The following PCMT1 variants were observed in gnomAD, a reference collection of about 807,000 sequenced individuals.
PCMT1 encodes the protein protein-L-isoaspartate(D-aspartate) O-methyltransferase.
Under a neutral mutation model 29.2 loss-of-function variants are expected in PCMT1, and 9 were observed. The ratio of observed to expected loss-of-function variants is 0.31; its 90% CI spans 0.19 to 0.54. The LOEUF is 0.54. Among genes scored for constraint, PCMT1 ranks in the 20% least tolerant of loss-of-function variants. The pLI is 0.95. For synonymous variants in PCMT1, 98 were observed against 97.5 expected (o/e 1.00, Z -0.03); for missense variants, 184 against 282.2 (o/e 0.65, Z 2.49).
At chr6:149,791,571 T>A (rs1416529748) in intron 4 of PCMT1, among the ~76,000 whole-genome samples, 1 of 152,218 alleles carries the variant, frequency 6.6e-6, no homozygotes, top group Non-Finnish European at 1.5e-5. Context: ...TATAAATGTA[T>A]AATCAGCAGA....
At chr6:149,762,875 GATATATATGTT>G (rs1443735843) in intron 1 of PCMT1, among the ~76,000 whole-genome samples, 1 of 48,540 alleles carries the variant, frequency 2.1e-5, no homozygotes, top group African/African-American at 2.1e-4. Flanking sequence ...ATATATCTAT[GATATATATGTT>G]ATATATATCT....
At chr6:149,762,320 G>C (rs985876933) in intron 1 of PCMT1, among the ~76,000 whole-genome samples, 2 of 151,520 alleles carry the variant, frequency 1.3e-5, no homozygotes, top group Admixed American at 6.6e-5. Flanking sequence ...CATTTAATGA[G>C]GGTCTTTAGA....
intron 3 of PCMT1, among the ~76,000 whole-genome samples, chr6:149,787,084 C>A (rs1277141826): frequency 1.4e-5 from 2 of 139,458 alleles, no homozygotes; most frequent in East Asian, 4.5e-4. Flanking sequence ...GAGACCAGCC[C>A]GGCCAACACA....
intron 3 of PCMT1, among the ~76,000 whole-genome samples, chr6:149,779,323 A>G (rs564562037): frequency 1.3e-5 from 2 of 152,258 alleles, no homozygotes; most frequent in South Asian, 4.1e-4. Context: ...TTCCTGCAGC[A>G]CGTAACTCCC....
chr6:149,809,580 A>T (rs1342451891), intron 7 of PCMT1, among the ~76,000 whole-genome samples: 3 of 152,134 alleles, frequency 2.0e-5, no homozygotes, highest in Non-Finnish European at 2.9e-5. Context: ...AATTTAGTTT[A>T]AAAAAATTGT....
chr6:149,782,334 A>C (rs1787848758), intron 3 of PCMT1, among the ~76,000 whole-genome samples: 1 of 152,192 alleles, frequency 6.6e-6, no homozygotes, highest in African/African-American at 2.4e-5. Flanking sequence ...GTGAGGATGC[A>C]AAGAGAAATG....
chr6:149,750,594 A>C (rs1158808391), intron 1 of PCMT1, among the ~76,000 whole-genome samples: 2 of 152,074 alleles, frequency 1.3e-5, no homozygotes, highest in Non-Finnish European at 2.9e-5. Context: ...AGAACAGGGG[A>C]TGCTGTTCCT....
chr6:149,750,015 C>A (rs781010857), intron 1 of PCMT1, 59 bp downstream of exon 1: 1 of 1,537,166 alleles, frequency 6.5e-7, no homozygotes, highest in Non-Finnish European at 8.8e-7. Flanking sequence ...TGGACCGGGT[C>A]CCCCTGGGCC....
At chr6:149,805,938 T>TC (rs1776000250) in intron 7 of PCMT1, among the ~76,000 whole-genome samples, 1 of 101,536 alleles carries the variant, frequency 9.8e-6, no homozygotes, top group African/African-American at 6.1e-5. Context: ...AGACTCTGTC[T>TC]CAAAAAAAAA....
In PCMT1 at chr6:149,810,824, A is replaced by G; in HGVS notation, c.*246A>G. The G allele has an allele frequency of 2.1e-6, 1 of 479,888 alleles. No homozygotes were observed. The highest frequency in any genetic ancestry group is 3.7e-6 in the Non-Finnish European group (1 of 271,506). 29.7% of individuals were successfully genotyped at this position (479,888 alleles called of 1,614,324 possible). On this transcript the variant is annotated 3_prime_UTR_variant, in exon 8 of 8. Coordinates refer to ENST00000464889, the MANE Select transcript of PCMT1 (RefSeq NM_001360452.2). ...AGCCAAATTGGTAGAGGAAGGATGCAAAGTATAAATTTGTGTAATATTACT... is the reference window on the plus strand; with the variant it reads ...AGCCAAATTGGTAGAGGAAGGATGCGAAGTATAAATTTGTGTAATATTACT...
intron 1 of PCMT1, among the ~76,000 whole-genome samples, chr6:149,764,590 A>C (rs1477926315): frequency 6.6e-6 from 1 of 152,076 alleles, no homozygotes; most frequent in Non-Finnish European, 1.5e-5. Flanking sequence ...ACTTTTAAAA[A>C]TTAGCCGAGT....
chr6:149,786,460 C>T lies in PCMT1; in HGVS notation c.193-3494C>T, dbSNP rs1195287734. ...GGACGGGGTGGCTGCTGGGCGGAGA[C>T]GCTCCTCACTTCCCAGACGGGGTGG... On this transcript the variant is annotated intron_variant, in intron 3 of 7. Transcript: ENST00000464889. Among the ~76,000 whole-genome samples, 13 of 141,470 alleles carry T rather than the reference C, an allele frequency of 9.2e-5. 1 individual carries two copies. The highest frequency in any genetic ancestry group is 2.2e-4 in the African/African-American group (8 of 36,100). 92.8% of individuals were successfully genotyped at this position (141,470 alleles called of 152,430 possible). A position where few individuals can be genotyped will look rare whatever the true frequency, so the allele number is the denominator to read the frequency against.
chr6:149,785,401 C>A, intron 3 of PCMT1, among the ~76,000 whole-genome samples: 1 of 95,940 alleles, frequency 1.0e-5, no homozygotes, highest in Non-Finnish European at 2.2e-5. Context: ...TTATTCAGTT[C>A]TTTTTTTTTA....
At chr6:149,778,557 A>G (rs1324861885) in intron 3 of PCMT1, among the ~76,000 whole-genome samples, 1 of 151,624 alleles carries the variant, frequency 6.6e-6, no homozygotes, top group Non-Finnish European at 1.5e-5. Context: ...GTTTTTTTTA[A>G]GACAGGGTGT....
At chr6:149,778,428 C>T (rs1259339522) in intron 3 of PCMT1, among the ~76,000 whole-genome samples, 3 of 151,700 alleles carry the variant, frequency 2.0e-5, no homozygotes, top group South Asian at 4.2e-4. Context: ...GGGATTTCAC[C>T]GTGTTGGCCA....
intron 2 of PCMT1, among the ~76,000 whole-genome samples, chr6:149,772,904 C>G (rs1206316678): frequency 6.6e-6 from 1 of 151,390 alleles, no homozygotes; most frequent in Non-Finnish European, 1.5e-5. Context: ...GTAGTCCCAG[C>G]TACTCGGGAG....
chr6:149,762,640 CTATGATATATATATGATATATATAT>C (rs1786821811), intron 1 of PCMT1, among the ~76,000 whole-genome samples: 1 of 4,292 alleles, frequency 2.3e-4, no homozygotes, highest in African/African-American at 2.5e-3. Flanking sequence ...ATATATATAT[CTATGATATATATATGATATATATAT>C]CTATGATATA....
chr6:149,784,572 C>T (rs1056862695), intron 3 of PCMT1, among the ~76,000 whole-genome samples: 2 of 151,874 alleles, frequency 1.3e-5, no homozygotes, highest in Non-Finnish European at 2.9e-5. Flanking sequence ...TCAAATCATC[C>T]TCTCACCTCA....
chr6:149,770,977 C>T lies in PCMT1; in HGVS notation c.56-185C>T, dbSNP rs765846115. ...TTGCGCCACTGCACTCCAGCCTGGG[C>T]GACAGAGCGAGACTCTGTCTCAGAA... On this transcript the variant is annotated intron_variant, in intron 1 of 7. Coordinates refer to ENST00000464889, the MANE Select transcript of PCMT1 (RefSeq NM_001360452.2). Among the ~76,000 whole-genome samples the T allele has an allele frequency of 3.1e-4, 47 of 151,730 alleles. No homozygotes were observed. In the South Asian group the frequency reaches 7.1e-3, roughly 23 times the overall value.
Sources: gnomAD v4.1 joint callset for allele counts (sites outside exome capture counted in the v4.1 genomes callset) on GRCh38, gnomAD v4.1.1 for gene constraint, MANE v1.5 for transcripts, NCBI Gene and HGNC (gene_info 2026-07-23, HGNC 2026-07-21) for gene names.